The following RBMS3 variants were observed in gnomAD, a reference collection of about 807,000 sequenced individuals.
RBMS3 encodes the protein RNA-binding motif, single-stranded-interacting protein 3.
In RBMS3, 27 loss-of-function variants were observed where a neutral mutation model predicts 66.8. The observed-to-expected ratio is 0.40, with a 90% CI of 0.30 to 0.56. The LOEUF (loss-of-function observed/expected upper bound fraction) is 0.56, where lower values mean the gene tolerates loss of function less well. Ranked by LOEUF, RBMS3 falls within the 20% of genes least tolerant of loss-of-function variation. RBMS3 has a pLI of 0.40. For missense variants in RBMS3, 513 were observed against 549.5 expected, an observed-to-expected ratio of 0.93 and a Z score of 0.66; for synonymous variants, 188 against 183.0, an observed-to-expected ratio of 1.03 and a Z score of -0.22.
chr3:29,742,903 G>A (rs914159569), intron 5 of RBMS3, among the ~76,000 whole-genome samples: 2 of 152,184 alleles, frequency 1.3e-5, no homozygotes, highest in African/African-American at 2.4e-5. Flanking sequence ...ATTTCAGAAA[G>A]TGCCATGTGG....
At chr3:29,833,004 A>G (rs1168270674) in intron 6 of RBMS3, among the ~76,000 whole-genome samples, 1 of 152,180 alleles carries the variant, frequency 6.6e-6, no homozygotes. Context: ...GGCCACAGAG[A>G]ACACAAATGG....
intron 6 of RBMS3, among the ~76,000 whole-genome samples, chr3:29,818,380 G>A (rs1222950300): frequency 6.8e-6 from 1 of 148,106 alleles, no homozygotes; most frequent in Non-Finnish European, 1.5e-5. Flanking sequence ...TACATTTTTT[G>A]TCCATGTGTG....
chr3:29,955,121 C>A (rs763448871), intron 12 of RBMS3, among the ~76,000 whole-genome samples: 4 of 151,990 alleles, frequency 2.6e-5, no homozygotes, highest in Non-Finnish European at 5.9e-5. Context: ...ACAACTATGT[C>A]ATACCACAGA....
intron 4 of RBMS3, among the ~76,000 whole-genome samples, chr3:29,591,165 A>G (rs2047721408): frequency 2.0e-5 from 3 of 152,156 alleles, no homozygotes; most frequent in South Asian, 2.1e-4. Flanking sequence ...TTGGCTATCC[A>G]GCATCCATGA....
Position 29,486,823 on chromosome 3 carries a change from T to C in RBMS3, c.249-1618T>C, listed in dbSNP as rs74640029. 5.9e-3 allele frequency among the ~76,000 whole-genome samples: 900 copies of C among 152,328 alleles called. 24 individuals carry two copies. Among genetic ancestry groups the C allele is most frequent in the Admixed American group, 0.054 (822 of 15,298 alleles). On this transcript the variant is annotated intron_variant, in intron 2 of 14. Transcript: ENST00000383767. ...TAAATTTCAGTTTAGAAGGTTCTTA[T>C]ATAAAAATTTCAGGAACACCTTTAT...
intron 6 of RBMS3, among the ~76,000 whole-genome samples, chr3:29,850,505 T>C (rs933548254): frequency 6.6e-6 from 1 of 152,192 alleles, no homozygotes; most frequent in Non-Finnish European, 1.5e-5. Context: ...ATTACATGTT[T>C]TTTTAGTTTT....
intron 6 of RBMS3, among the ~76,000 whole-genome samples, chr3:29,764,932 G>T (rs555433974): frequency 6.6e-6 from 1 of 151,928 alleles, no homozygotes; most frequent in Non-Finnish European, 1.5e-5. Context: ...AAATAATTAT[G>T]TTCAGTTATA....
chr3:29,990,615 A>G (rs1698793852), intron 13 of RBMS3, among the ~76,000 whole-genome samples: 1 of 152,178 alleles, frequency 6.6e-6, no homozygotes, highest in African/African-American at 2.4e-5. Flanking sequence ...AGAAAAATCT[A>G]CTTAATAGCA....
intron 2 of RBMS3, among the ~76,000 whole-genome samples, chr3:29,486,571 A>G (rs544168831): frequency 2.0e-5 from 3 of 152,304 alleles, no homozygotes; most frequent in African/African-American, 7.2e-5. Context: ...TTGTTTATAA[A>G]AAAGTTACTT....
chr3:29,812,684 T>C (rs2057761894), intron 6 of RBMS3, among the ~76,000 whole-genome samples: 1 of 152,180 alleles, frequency 6.6e-6, no homozygotes, highest in South Asian at 2.1e-4. Context: ...ATTTGAAGTA[T>C]TAAGATGGAA....
intron 4 of RBMS3, among the ~76,000 whole-genome samples, chr3:29,640,416 A>G (rs9876390): frequency 0.078 from 11,922 of 151,952 alleles, 824 homozygotes; most frequent in East Asian, 0.35. Flanking sequence ...ATTCTTAGAC[A>G]TTTTAAACAA....
chr3:29,366,534 C>A (rs578165821), intron 1 of RBMS3, among the ~76,000 whole-genome samples: 2 of 145,794 alleles, frequency 1.4e-5, no homozygotes, highest in South Asian at 4.5e-4. Context: ...CTATGAGCCA[C>A]CAGGCTGAGC....
chr3:29,849,170 A>ATGTGTG (rs10571760), intron 6 of RBMS3, among the ~76,000 whole-genome samples: 5,744 of 141,698 alleles, frequency 0.041, 201 homozygotes, highest in African/African-American at 0.098. Flanking sequence ...CACCAAAGGA[A>ATGTGTG]TGTGTGTGTG....
intron 4 of RBMS3, among the ~76,000 whole-genome samples, chr3:29,609,159 A>C (rs73831617): frequency 0.013 from 2,006 of 152,190 alleles, 32 homozygotes; most frequent in African/African-American, 0.046. Flanking sequence ...CTATCAAATG[A>C]ATATAAAAGT....
At chr3:29,945,550 G>C (rs1233817773) in intron 12 of RBMS3, among the ~76,000 whole-genome samples, 1 of 151,464 alleles carries the variant, frequency 6.6e-6, no homozygotes, top group African/African-American at 2.4e-5. Flanking sequence ...TAGGATTTAG[G>C]GCCCCTGGGA....
intron 3 of RBMS3, among the ~76,000 whole-genome samples, chr3:29,545,212 A>G (rs1374383036): frequency 6.6e-6 from 1 of 152,212 alleles, no homozygotes; most frequent in Non-Finnish European, 1.5e-5. Flanking sequence ...TATAATGTCC[A>G]TAATGCATCC....
intron 6 of RBMS3, among the ~76,000 whole-genome samples, chr3:29,823,718 TAGAC>T (rs1361538069): frequency 3.3e-5 from 5 of 152,194 alleles, no homozygotes; most frequent in African/African-American, 7.2e-5. Flanking sequence ...GCTACTATAT[TAGAC>T]AGTACAGTTC....
At chr3:29,910,852 T>C (rs529145178) in intron 10 of RBMS3, among the ~76,000 whole-genome samples, 1 of 152,056 alleles carries the variant, frequency 6.6e-6, no homozygotes, top group Admixed American at 6.6e-5. Context: ...TTATGGAGTT[T>C]AGAGTTAGAT....
At chr3:29,771,109 A>G (rs535036204) in intron 6 of RBMS3, among the ~76,000 whole-genome samples, 1 of 152,182 alleles carries the variant, frequency 6.6e-6, no homozygotes, top group Non-Finnish European at 1.5e-5. Context: ...GCAAGCTCTG[A>G]ACTAGCCATT....
Sources: allele counts gnomAD v4.1 joint callset (sites outside exome capture counted in the v4.1 genomes callset), GRCh38; gene constraint gnomAD v4.1.1; transcripts MANE v1.5; gene names NCBI Gene and HGNC (gene_info 2026-07-23, HGNC 2026-07-21).